LRRC3: variants seen among roughly 807,000 people sequenced by gnomAD.
LRRC3 encodes the protein leucine rich repeat containing 3, also known as leucine-rich repeat-containing protein 3.
For missense variants in LRRC3, 351 were observed against 361.6 expected (o/e 0.97, Z 0.24); for synonymous variants, 172 against 164.1 (o/e 1.05, Z -0.37).
At chr21:44,455,839 C>T (rs2051694991) in intron 1 of LRRC3, among the ~76,000 whole-genome samples, 184 bp downstream of exon 1, 1 of 152,012 alleles carries the variant, frequency 6.6e-6, no homozygotes, top group Admixed American at 6.5e-5. Context: ...CCCCGCCGTC[C>T]ACGCCCAGCG....
chr21:44,456,817 T>A lies in LRRC3; in HGVS notation c.173T>A (p.Val58Asp). The A allele has an allele frequency of 6.2e-7, 1 of 1,611,470 alleles. No homozygotes were observed. The highest frequency in any genetic ancestry group is 8.5e-7 in the Non-Finnish European group (1 of 1,179,384). Residue 58 changes from valine (V) to aspartate (D), a missense_variant, in exon 2 of 2, where the codon GTC becomes GAC. Transcript: ENST00000291592. ...TGCAGCTTGCGGGGCCTTCAGGAGG[T>A]CCCCGAGGACATCCCGGCCAACACC... ...VFCSLRGLQEVPEDIPANTVL... is the reference protein window; with the variant it reads ...VFCSLRGLQEDPEDIPANTVL...
In LRRC3 at chr21:44,457,037, C is replaced by T. The variant is rs61735244; in HGVS notation, c.393C>T (p.Asp131=). ...ACCGCATCCAGAGGATCCCCAAGGA[C>T]GCCCTGGGCAAACTCAGCGCCAAGA... is the stretch of plus-strand genomic sequence containing the variant. ...SYNRIQRIPK[D]ALGKLSAKIR... is the part of the protein sequence containing the mutation. The change falls in exon 2 of 2, where the codon GAC becomes GAT. Residue 131 remains aspartate, a synonymous_variant. Transcript: ENST00000291592. The T allele has an allele frequency of 5.6e-3, 9,054 of 1,605,918 alleles. 472 individuals carry two copies. The African/African-American group carries it at 0.11, about 19-fold the overall frequency.
chr21:44,457,138 A>C lies in LRRC3; in HGVS notation c.494A>C (p.Asp165Ala), dbSNP rs767752764. 2.5e-6 allele frequency: 4 copies of C among 1,612,844 alleles called. No homozygotes were observed. The African/African-American group carries it at 5.3e-5, about 22-fold the overall frequency. Reference sequence around the variant, plus strand: ...CTGTGGGAGCTGAAGCTGGACCCCGACTCTGTGGACGAGATCGCCTGCCAC... The same window carrying C: ...CTGTGGGAGCTGAAGCTGGACCCCGCCTCTGTGGACGAGATCGCCTGCCAC... ...EALWELKLDPDSVDEIACHTS... is the reference protein window; with the variant it reads ...EALWELKLDPASVDEIACHTS... Residue 165 changes from aspartate to alanine, a missense_variant, in exon 2 of 2, where the codon GAC (aspartate) becomes GCC (alanine). Asp to Ala is a moderately radical substitution (Grantham distance 126). Transcript: ENST00000291592.
In LRRC3 at chr21:44,456,893, C is replaced by T. The variant is rs938982066; in HGVS notation, c.249C>T (p.Ala83=). ...ANKISHLPDG[A]FQHLHRLREL... The stretch of plus-strand genomic sequence containing the variant: ...AGATCTCCCACCTCCCGGACGGGGC[C>T]TTCCAGCACCTGCACCGGCTCAGGG... Residue 83 remains alanine, a synonymous_variant, in exon 2 of 2, where the codon GCC becomes GCT. Coordinates refer to ENST00000291592, the MANE Select transcript of LRRC3 (RefSeq NM_030891.6). The T allele has an allele frequency of 1.9e-6, 3 of 1,610,592 alleles. No homozygotes were observed. The highest frequency in any genetic ancestry group is 2.5e-6 in the Non-Finnish European group (3 of 1,178,720).
At position 44,457,672 on chromosome 21, in the gene LRRC3, C is replaced by T; in HGVS notation, c.*254C>T. 5.7e-6 allele frequency: 3 copies of T among 529,794 alleles called. No individual in the cohort carries two copies. Among genetic ancestry groups the T allele is most frequent in the Non-Finnish European group, 6.9e-6 (2 of 291,506 alleles). 32.8% of individuals were successfully genotyped at this position (529,794 alleles called of 1,614,324 possible). A position where few individuals can be genotyped will look rare whatever the true frequency, so the allele number is the denominator to read the frequency against. On this transcript the variant is annotated 3_prime_UTR_variant, in exon 2 of 2. Coordinates refer to ENST00000291592, the MANE Select transcript of LRRC3 (RefSeq NM_030891.6). ...TCAGGAAATTATCCCAGTGGAACTT[C>T]AACCCGGGCTGTCCATCGTGACATT...
intron 1 of LRRC3, among the ~76,000 whole-genome samples, chr21:44,455,876 C>G (rs888828269): frequency 2.6e-5 from 4 of 152,050 alleles, no homozygotes; most frequent in Non-Finnish European, 4.4e-5. Flanking sequence ...GGCTTGGCTT[C>G]TCTGTTTTCT....
Position 44,456,984 on chromosome 21 carries a change from G to T in LRRC3, c.340G>T (p.Gly114Cys). 6.2e-7 allele frequency: 1 copy of T among 1,607,022 alleles called. No individual in the cohort carries two copies. The highest frequency in any genetic ancestry group is 1.1e-5 in the South Asian group (1 of 91,034). ...GSATFAGLAG[G>C]LRLLDLSYNR... ...CGCCACCTTCGCGGGCCTGGCCGGGGGCCTGCGGCTGCTGGACCTGTCTTA... is the reference window on the plus strand; with the variant it reads ...CGCCACCTTCGCGGGCCTGGCCGGGTGCCTGCGGCTGCTGGACCTGTCTTA... The change falls in exon 2 of 2, where the codon GGC becomes TGC. Residue 114 changes from glycine to cysteine, a missense_variant. Transcript: ENST00000291592.
At position 44,456,667 on chromosome 21, in the gene LRRC3, G is replaced by T; in HGVS notation, c.23G>T (p.Arg8Leu). The change falls in exon 2 of 2, where the codon CGC becomes CTC. Residue 8 changes from arginine (R) to leucine (L), a missense_variant. Transcript: ENST00000291592. ...AGGATGGGCACCGTGCGCCCACCTC[G>T]CCCCTCGCTCCTGCTGGTCTCCACC... is the stretch of plus-strand genomic sequence containing the variant. MGTVRPP[R>L]PSLLLVSTRE... 2 of 1,600,888 alleles carry T rather than the reference G, an allele frequency of 1.2e-6. No homozygotes were observed. The highest frequency in any genetic ancestry group is 1.7e-5 in the Admixed American group (1 of 59,586).
Position 44,457,373 on chromosome 21 carries a change from GC to G in LRRC3, c.732del (p.Ser245AlafsTer34). The G allele has an allele frequency of 6.2e-7, 1 of 1,604,272 alleles. No homozygotes were observed. Among genetic ancestry groups the G allele is most frequent in the East Asian group, 2.2e-5 (1 of 44,594 alleles). ...GGCACCTGGAGTACCTGAAGTCTCT[GC>G]CCAGCGCCCCCGCCTCCAAGGACCC... ...RRHLEYLKSL[P>X]SAPASKDPIG... is the part of the protein sequence containing the mutation. On this transcript the variant is annotated frameshift_variant, in exon 2 of 2. Transcript: ENST00000291592. LOFTEE classifies it high-confidence loss of function.
Position 44,457,238 on chromosome 21 carries a change from C to T in LRRC3, c.594C>T (p.Val198=), listed in dbSNP as rs61735246. 16,292 of 1,613,924 alleles carry T rather than the reference C, an allele frequency of 0.01. 110 individuals are homozygous for T. Among genetic ancestry groups the T allele is most frequent in the Non-Finnish European group, 0.012 (13,720 of 1,180,026 alleles). ...ALDAGASLCS[V]PHRTTDVAML... ...ATGCGGGTGCCAGCCTCTGCAGCGT[C>T]CCCCACAGGACCACAGACGTGGCCA... The change falls in exon 2 of 2, where the codon GTC becomes GTT. Residue 198 remains valine (V), a synonymous_variant. Coordinates refer to ENST00000291592, the MANE Select transcript of LRRC3 (RefSeq NM_030891.6).
In LRRC3 at chr21:44,457,379, C is replaced by A; in HGVS notation, c.735C>A (p.Ser245Arg). 1 of 1,601,802 alleles carries A rather than the reference C, an allele frequency of 6.2e-7. No homozygotes were observed. The highest frequency in any genetic ancestry group is 1.1e-5 in the South Asian group (1 of 90,650). The change falls in exon 2 of 2, where the codon AGC becomes AGA. Residue 245 changes from serine (S) to arginine (R), a missense_variant. Ser to Arg is a moderately radical substitution (Grantham distance 110). Transcript: ENST00000291592. The stretch of plus-strand genomic sequence containing the variant: ...TGGAGTACCTGAAGTCTCTGCCCAG[C>A]GCCCCCGCCTCCAAGGACCCCATCG... ...RHLEYLKSLP[S>R]APASKDPIGP... is the part of the protein sequence containing the mutation.
chr21:44,455,621 G>A lies in LRRC3; in HGVS notation c.-182G>A, dbSNP rs1199974228. On this transcript the variant is annotated 5_prime_UTR_variant, in exon 1 of 2. Coordinates refer to ENST00000291592, the MANE Select transcript of LRRC3 (RefSeq NM_030891.6). Reference sequence around the variant, plus strand: ...GGCGGGCTCCGAGAGGCCCGGGAGCGGCGCGCAGAGCAGCCTCCGGCCGCC... The same window carrying A: ...GGCGGGCTCCGAGAGGCCCGGGAGCAGCGCGCAGAGCAGCCTCCGGCCGCC... 6.6e-6 allele frequency: 1 copy of A among 151,580 alleles called. No individual in the cohort carries two copies. Among genetic ancestry groups the A allele is most frequent in the African/African-American group, 2.4e-5 (1 of 41,322 alleles). The allele number at this position is 151,580 out of a possible 1,614,324, so 9.4% of individuals were successfully genotyped here.
In LRRC3 at chr21:44,459,081, G is replaced by T. The variant is rs554155817; in HGVS notation, c.*1663G>T. 6.6e-6 allele frequency: 1 copy of T among 152,492 alleles called. No homozygotes were observed. Among genetic ancestry groups the T allele is most frequent in the South Asian group, 2.1e-4 (1 of 4,824 alleles). 9.4% of individuals were successfully genotyped at this position (152,492 alleles called of 1,614,324 possible). On this transcript the variant is annotated 3_prime_UTR_variant, in exon 2 of 2. Coordinates refer to ENST00000291592, the MANE Select transcript of LRRC3 (RefSeq NM_030891.6). Reference sequence around the variant, plus strand: ...ATGAGTGGAGGCAGCCCCAGGCTCCGCCTGCTTCCCTCACGCCACGCTGCC... The same window carrying T: ...ATGAGTGGAGGCAGCCCCAGGCTCCTCCTGCTTCCCTCACGCCACGCTGCC...
chr21:44,459,121 C>T lies in LRRC3; in HGVS notation c.*1703C>T, dbSNP rs1386712412. ...GCCACGCTGCCTGAGTGTCGCCATG[C>T]TCGGAGGACAGAGACCTCCACGGAA... On this transcript the variant is annotated 3_prime_UTR_variant, in exon 2 of 2. Transcript: ENST00000291592. The T allele has an allele frequency of 1.3e-5, 2 of 152,282 alleles. No homozygotes were observed. Among genetic ancestry groups the T allele is most frequent in the Non-Finnish European group, 2.9e-5 (2 of 68,068 alleles). 9.4% of individuals were successfully genotyped at this position (152,282 alleles called of 1,614,324 possible). A position where few individuals can be genotyped will look rare whatever the true frequency, so the allele number is the denominator to read the frequency against.
rs1276445585 is a variant in LRRC3, at chr21:44,456,623, C to T, written c.-22C>T. 6.4e-7 allele frequency: 1 copy of T among 1,558,766 alleles called. No individual in the cohort carries two copies. Among genetic ancestry groups the T allele is most frequent in the African/African-American group, 1.4e-5 (1 of 73,916 alleles). ...AGGCCCTAGCAGAGGCTCGCGTGTCCCCGTCCCCAGGTCAGGTCAGGATGG... is the reference window on the plus strand; with the variant it reads ...AGGCCCTAGCAGAGGCTCGCGTGTCTCCGTCCCCAGGTCAGGTCAGGATGG... On this transcript the variant is annotated 5_prime_UTR_variant, in exon 2 of 2. Transcript: ENST00000291592.
Position 44,457,443 on chromosome 21 carries a change from G to A in LRRC3, c.*25G>A, listed in dbSNP as rs146419808. The A allele has an allele frequency of 1.5e-3, 2,332 of 1,543,168 alleles. 26 individuals are homozygous for A. The African/African-American group carries it at 0.021, about 14-fold the overall frequency. The stretch of plus-strand genomic sequence containing the variant: ...GCGCCTGTTCCGGCAGACCCCCGCC[G>A]GTGGCTGCTGTCACTTTTGTAGTAG... On this transcript the variant is annotated 3_prime_UTR_variant, in exon 2 of 2. Transcript: ENST00000291592.
At position 44,457,812 on chromosome 21, in the gene LRRC3, G is replaced by A. The variant is rs1569134862; in HGVS notation, c.*394G>A. 4.3e-6 allele frequency: 1 copy of A among 233,288 alleles called. No individual in the cohort carries two copies. The allele number at this position is 233,288 out of a possible 1,614,324, so 14.5% of individuals were successfully genotyped here. ...CGAGAGGGTTCACCAGAGGGAGCTTGGGTGCAGGTTCACCCGCTGAAGGCG... is the reference window on the plus strand; with the variant it reads ...CGAGAGGGTTCACCAGAGGGAGCTTAGGTGCAGGTTCACCCGCTGAAGGCG... On this transcript the variant is annotated 3_prime_UTR_variant, in exon 2 of 2. Transcript: ENST00000291592.
Position 44,456,936 on chromosome 21 carries a change from A to G in LRRC3, c.292A>G (p.Asn98Asp), listed in dbSNP as rs1409720359. 1.9e-6 allele frequency: 3 copies of G among 1,610,218 alleles called. No homozygotes were observed. The highest frequency in any genetic ancestry group is 2.2e-5 in the South Asian group (2 of 91,030). ...HRLRELDLSH[N>D]AIEAIGSATF... ...GCTCAGGGAGCTGGATCTGTCTCAC[A>G]ACGCCATCGAGGCCATCGGCTCCGC... is the stretch of plus-strand genomic sequence containing the variant. The change falls in exon 2 of 2, where the codon AAC becomes GAC. Residue 98 changes from asparagine to aspartate, a missense_variant. By Grantham distance (23) the Asn-to-Asp change is conservative. Coordinates refer to ENST00000291592, the MANE Select transcript of LRRC3 (RefSeq NM_030891.6).
At position 44,456,887 on chromosome 21, in the gene LRRC3, C is replaced by T. The variant is rs115206214; in HGVS notation, c.243C>T (p.Asp81=). ...CCAACAAGATCTCCCACCTCCCGGA[C>T]GGGGCCTTCCAGCACCTGCACCGGC... ...LDANKISHLP[D]GAFQHLHRLR... The change falls in exon 2 of 2, where the codon GAC becomes GAT. Residue 81 remains aspartate (D), a synonymous_variant. Coordinates refer to ENST00000291592, the MANE Select transcript of LRRC3 (RefSeq NM_030891.6). 257 of 1,610,366 alleles carry T rather than the reference C, an allele frequency of 1.6e-4. No individual in the cohort carries two copies. In the African/African-American group the frequency reaches 1.9e-3, roughly 12 times the overall value.
Sources: gnomAD v4.1 joint callset for allele counts (sites outside exome capture counted in the v4.1 genomes callset) on GRCh38, gnomAD v4.1.1 for gene constraint, MANE v1.5 for transcripts, NCBI Gene and HGNC (gene_info 2026-07-23, HGNC 2026-07-21) for gene names.